Variants in CTNNA1 observed in about 807,000 individuals in gnomAD.
CTNNA1 encodes catenin alpha-1.
Under a neutral mutation model 98.4 loss-of-function variants are expected in CTNNA1, and 37 were observed. The observed-to-expected ratio is 0.38, with a 90% CI of 0.29 to 0.49. The LOEUF is 0.49. Ranked by LOEUF, CTNNA1 falls within the 20% of genes least tolerant of loss-of-function variation. CTNNA1 has a pLI of 0.95. For missense variants in CTNNA1, 761 were observed against 1,147.2 expected, an observed-to-expected ratio of 0.66 and a Z score of 4.86; for synonymous variants, 404 against 413.2, an observed-to-expected ratio of 0.98 and a Z score of 0.27.
At chr5:138,769,761 G>C (rs937603514) in intron 1 of CTNNA1, among the ~76,000 whole-genome samples, 1 of 151,984 alleles carries the variant, frequency 6.6e-6, no homozygotes, top group Non-Finnish European at 1.5e-5. Context: ...TCGAACTCCC[G>C]ACCTCAGGTG....
chr5:138,930,487 G>A lies in CTNNA1; in HGVS notation c.2025G>A (p.Gln675=), dbSNP rs754153116. 1 of 1,612,598 alleles carries A rather than the reference G, an allele frequency of 6.2e-7. No homozygotes were observed. Among genetic ancestry groups the A allele is most frequent in the Non-Finnish European group, 8.5e-7 (1 of 1,179,210 alleles). The change falls in exon 15 of 18, where the codon CAG becomes CAA. Residue 675 remains glutamine, a synonymous_variant. Coordinates refer to ENST00000302763, the MANE Select transcript of CTNNA1 (RefSeq NM_001903.5). The part of the protein sequence containing the change: ...AGQSARAIMA[Q]LPQEQKAKIA... ...TCTGATCACAGGCGATCATGGCTCA[G>A]CTTCCCCAGGAGCAAAAAGCGAAGA...
chr5:138,788,629 G>A (rs528892046), intron 3 of CTNNA1, among the ~76,000 whole-genome samples: 11 of 152,234 alleles, frequency 7.2e-5, no homozygotes, highest in Admixed American at 2.0e-4. Context: ...AGTAGCAGCT[G>A]CCTTGTGGTA....
intron 7 of CTNNA1, among the ~76,000 whole-genome samples, chr5:138,829,826 CG>C (rs1761082678): frequency 6.6e-6 from 1 of 152,092 alleles, no homozygotes; most frequent in African/African-American, 2.4e-5. Context: ...CCAAGGCAGA[CG>C]GATCACAAGG....
At chr5:138,932,493 C>T (rs751047430) in intron 16 of CTNNA1, 85 bp from the exon 17 acceptor site, 4 of 1,558,380 alleles carry the variant, frequency 2.6e-6, no homozygotes, top group East Asian at 2.3e-5. Flanking sequence ...GTGAGTGCCA[C>T]ACTGAACCTT....
intron 9 of CTNNA1, among the ~76,000 whole-genome samples, chr5:138,892,791 C>T (rs900649539): frequency 1.3e-5 from 2 of 151,622 alleles, no homozygotes; most frequent in African/African-American, 2.4e-5. Context: ...CTGAGGCAGG[C>T]AGATCCCCTG....
Position 138,830,818 on chromosome 5 carries a change from G to C in CTNNA1, c.1062+3100G>C, listed in dbSNP as rs540355702. ...CAAAGTTTCTATAGGGGGTTTAATG[G>C]GAGTGTCATCATAGGTACAGCCAAA... is the stretch of plus-strand genomic sequence containing the variant. On this transcript the variant is annotated intron_variant, in intron 7 of 17. Transcript: ENST00000302763. Among the ~76,000 whole-genome samples the C allele has an allele frequency of 2.1e-4, 32 of 152,254 alleles. 1 individual carries two copies. The South Asian group carries it at 6.6e-3, about 32-fold the overall frequency.
chr5:138,888,176 A>G (rs542198822), intron 9 of CTNNA1, among the ~76,000 whole-genome samples: 85 of 152,318 alleles, frequency 5.6e-4, no homozygotes, highest in Non-Finnish European at 9.3e-4. Flanking sequence ...GAGCCCTGAC[A>G]TGGGGCTAAT....
In CTNNA1 at chr5:138,783,351, G is replaced by A. The variant is rs1755342159; in HGVS notation, c.280G>A (p.Val94Ile). 3 of 1,613,642 alleles carry A rather than the reference G, an allele frequency of 1.9e-6. No individual in the cohort carries two copies. The highest frequency in any genetic ancestry group is 1.1e-5 in the South Asian group (1 of 91,028). The change falls in exon 3 of 18, where the codon GTA becomes ATA. Residue 94 changes from valine (V) to isoleucine (I), a missense_variant. Physicochemically the swap from Val to Ile is conservative, Grantham distance 29 (BLOSUM62 3). Coordinates refer to ENST00000302763, the MANE Select transcript of CTNNA1 (RefSeq NM_001903.5). ...TCTCAAGGAGGAGCTTGTGGCTGCT[G>A]TAGAAGATGTTCGAAAACAAGGTAG... ...QFLKEELVAA[V>I]EDVRKQGDLM...
At chr5:138,930,721 A>G in intron 15 of CTNNA1, 67 bp downstream of exon 15, 3 of 1,572,840 alleles carry the variant, frequency 1.9e-6, no homozygotes, top group East Asian at 4.5e-5. Context: ...TCACCTGCGC[A>G]GCGGCTCAGA....
intron 3 of CTNNA1, among the ~76,000 whole-genome samples, chr5:138,793,155 T>A (rs1459611399): frequency 2.0e-5 from 3 of 152,264 alleles, no homozygotes; most frequent in African/African-American, 7.2e-5. Flanking sequence ...CCATTTTTTC[T>A]TGTTCTTCAT....
intron 5 of CTNNA1, among the ~76,000 whole-genome samples, chr5:138,824,017 AATAAGTCTTACTCTGTTTGAC>A: frequency 6.6e-6 from 1 of 151,684 alleles, no homozygotes; most frequent in Non-Finnish European, 1.5e-5. Flanking sequence ...TAATACTCAT[AATAAGTCTTACTCTGTTTGAC>A]TGTATCTCTT....
intron 7 of CTNNA1, chr5:138,880,912 G>A (rs1752751764): frequency 2.5e-6 from 1 of 398,394 alleles, no homozygotes; most frequent in Non-Finnish European, 5.0e-6. Context: ...GGGCTGGAGG[G>A]GCAGTGACAA....
In CTNNA1 at chr5:138,768,427, CT is replaced by C. The variant is rs879545391; in HGVS notation, c.-2-13485del. ...GTGCACACCACCACACCCAGCTAAG[CT>C]TTTTTTTTTTAAAGTAGAGATAGGG... is the stretch of plus-strand genomic sequence containing the variant. On this transcript the variant is annotated intron_variant, in intron 1 of 17. Transcript: ENST00000302763. 3.7e-3 allele frequency among the ~76,000 whole-genome samples: 542 copies of C among 145,468 alleles called. 3 individuals are homozygous for C. The highest frequency in any genetic ancestry group is 0.011 in the African/African-American group (456 of 39,868).
chr5:138,850,753 C>T (rs1477075773), intron 7 of CTNNA1, among the ~76,000 whole-genome samples: 1 of 152,136 alleles, frequency 6.6e-6, no homozygotes, highest in Non-Finnish European at 1.5e-5. Flanking sequence ...AGAAAATCTT[C>T]ATTTTGTTCT....
chr5:138,824,031 T>G (rs1760374419), intron 5 of CTNNA1, among the ~76,000 whole-genome samples: 2 of 151,472 alleles, frequency 1.3e-5, no homozygotes, highest in African/African-American at 4.8e-5. Flanking sequence ...AGTCTTACTC[T>G]GTTTGACTGT....
intron 4 of CTNNA1, among the ~76,000 whole-genome samples, chr5:138,810,979 C>G (rs1346165839): frequency 1.3e-5 from 2 of 151,416 alleles, no homozygotes; most frequent in East Asian, 2.0e-4. Flanking sequence ...CTGACCCCCC[C>G]ACCTCCCTCC....
At chr5:138,869,100 A>G (rs1765087445) in intron 7 of CTNNA1, 1 of 148,522 alleles carries the variant, frequency 6.7e-6, no homozygotes, top group Non-Finnish European at 1.5e-5. Context: ...AACACAATGT[A>G]TTTGGACTGT....
chr5:138,853,476 G>T (rs1763431251), intron 7 of CTNNA1, among the ~76,000 whole-genome samples: 1 of 150,330 alleles, frequency 6.7e-6, no homozygotes. Flanking sequence ...ATCCTTCCTA[G>T]CCAGCGGAAG....
At chr5:138,869,184 A>AAC (rs1554092703) in intron 7 of CTNNA1, 10 of 151,892 alleles carry the variant, frequency 6.6e-5, no homozygotes, top group Non-Finnish European at 1.3e-4. Context: ...AAAAAAAAAA[A>AAC]AAAAAACCGC....
Sources: gnomAD v4.1 joint callset for allele counts (sites outside exome capture counted in the v4.1 genomes callset) on GRCh38, gnomAD v4.1.1 for gene constraint, MANE v1.5 for transcripts, NCBI Gene and HGNC (gene_info 2026-07-23, HGNC 2026-07-21) for gene names.